The following OAS1 variants were observed in gnomAD, a reference collection of about 807,000 sequenced individuals.
The protein encoded by OAS1 is 2'-5'-oligoadenylate synthetase 1.
A neutral mutation model predicts 38.5 loss-of-function variants in OAS1; 24 were observed. That is an observed-to-expected ratio of 0.62 (90% CI 0.45 to 0.88). The LOEUF (loss-of-function observed/expected upper bound fraction) is 0.88. OAS1 is among the 40% of genes least tolerant of loss of function. The pLI, the probability that OAS1 is intolerant of heterozygous loss-of-function variation, is 0.00. For synonymous variants in OAS1, 169 were observed against 193.9 expected (o/e 0.87, Z 1.07); for missense variants, 482 against 493.9 (o/e 0.98, Z 0.23).
chr12:112,925,578 G>A (rs888608176), intron 6 of OAS1, among the ~76,000 whole-genome samples: 1 of 152,214 alleles, frequency 6.6e-6, no homozygotes, highest in African/African-American at 2.4e-5. Context: ...CTTGAGCCCA[G>A]GAGTTCAAGA....
intron 6 of OAS1, among the ~76,000 whole-genome samples, chr12:112,926,163 G>A (rs2043556739): frequency 6.6e-6 from 1 of 152,122 alleles, no homozygotes. Flanking sequence ...AGGAGCCTGT[G>A]GGGGGTAATG....
chr12:112,918,429 G>A, intron 5 of OAS1: 1 of 301,048 alleles, frequency 3.3e-6, no homozygotes. Flanking sequence ...CTTTGCTATT[G>A]TGAATCGTAC....
intron 3 of OAS1, among the ~76,000 whole-genome samples, chr12:112,914,941 C>A (rs1160778109): frequency 6.6e-6 from 1 of 151,024 alleles, no homozygotes; most frequent in East Asian, 1.9e-4. Context: ...TGAGAATTCT[C>A]TGTTCATGTC....
At chr12:112,926,614 G>A (rs2043559923) in intron 6 of OAS1, among the ~76,000 whole-genome samples, 1 of 152,110 alleles carries the variant, frequency 6.6e-6, no homozygotes, top group Admixed American at 6.5e-5. Flanking sequence ...TGATTCAAGG[G>A]CGACAAAAGA....
rs2136321545 is a variant in OAS1 at position 112,917,667 on chromosome 12, G to A, written c.1005G>A (p.Trp335Ter). 1 of 1,614,150 alleles carries A rather than the reference G, an allele frequency of 6.2e-7. No individual in the cohort carries two copies. Among genetic ancestry groups the A allele is most frequent in the East Asian group, 2.2e-5 (1 of 44,872 alleles). The change falls in exon 5 of 6, where the codon TGG (tryptophan) becomes TGA (stop). Residue 335 changes from tryptophan to a stop codon, truncating the protein, a stop_gained. Transcript: ENST00000202917. LOFTEE classifies it low-confidence loss of function (END_TRUNC). ...TGAATTACCCATGCTTTAAGAATTG[G>A]GATGGGTCCCCAGTGAGCTCCTGGA... ...AWLNYPCFKN[W>*]DGSPVSSWIL...
chr12:112,907,353 T>C, intron 1 of OAS1, 134 bp downstream of exon 1: 1 of 763,420 alleles, frequency 1.3e-6, no homozygotes, highest in Admixed American at 2.8e-5. Flanking sequence ...AGAGCTGAGA[T>C]CTTCTGGGAT....
chr12:112,914,132 T>C (rs1380070002), intron 3 of OAS1, among the ~76,000 whole-genome samples: 1 of 152,198 alleles, frequency 6.6e-6, no homozygotes, highest in East Asian at 1.9e-4. Flanking sequence ...GTATCATTCT[T>C]ATGCCTTTGC....
downstream of OAS1, among the ~76,000 whole-genome samples, chr12:112,921,570 A>G (rs1209808512): frequency 1.3e-5 from 2 of 152,208 alleles, no homozygotes; most frequent in East Asian, 1.9e-4. Flanking sequence ...GGCTTACTCC[A>G]GAGTCCTGGA....
At chr12:112,932,357 C>T (rs112568384), downstream of OAS1, 426 of 155,436 alleles carry the variant, frequency 2.7e-3, 2 homozygotes, top group African/African-American at 8.5e-3. Flanking sequence ...TTTGGGAGGC[C>T]GAGGCAGGCA....
intron 4 of OAS1, 40 bp from the exon 5 acceptor site, chr12:112,917,507 C>A: frequency 6.2e-7 from 1 of 1,612,118 alleles, no homozygotes; most frequent in Non-Finnish European, 8.5e-7. Context: ...AGACAGAGCC[C>A]CAGCTTCTCA....
chr12:112,919,510 C>T lies in OAS1; in HGVS notation c.1160C>T (p.Ser387Phe). Residue 387 changes from serine (S) to phenylalanine (F), a missense_variant, in exon 6 of 6, where the codon TCC (serine) becomes TTC (phenylalanine). Transcript: ENST00000202917. ...AGACCCAGCACACTCCAGGCAGCAT[C>T]CACCCCACAGGCAGAAGAGGACTGG... ...SHRPSTLQAA[S>F]TPQAEEDWTC... The T allele has an allele frequency of 6.2e-7, 1 of 1,614,224 alleles. No homozygotes were observed. Among genetic ancestry groups the T allele is most frequent in the Non-Finnish European group, 8.5e-7 (1 of 1,180,042 alleles).
chr12:112,913,715 T>G (rs2285934), intron 3 of OAS1, among the ~76,000 whole-genome samples: 96,012 of 151,980 alleles, frequency 0.63, 30,948 homozygotes, highest in East Asian at 0.78. Flanking sequence ...TTATGGCTTT[T>G]AATTCCCTGC....
At chr12:112,910,485 G>A (rs539497126) in intron 2 of OAS1, among the ~76,000 whole-genome samples, 26 of 152,282 alleles carry the variant, frequency 1.7e-4, no homozygotes, top group African/African-American at 2.4e-4. Flanking sequence ...AGACAGGGTC[G>A]TGAGGGAGGG....
Position 112,919,770 on chromosome 12 carries a change from A to G in OAS1, c.*217A>G. On this transcript the variant is annotated 3_prime_UTR_variant, in exon 6 of 6. Transcript: ENST00000202917. The stretch of plus-strand genomic sequence containing the variant: ...CTCACTTCATTCCACCTATTCTCTG[A>G]AAATATTCCCTGAGAGAGAACAGAG... 1.4e-6 allele frequency: 2 copies of G among 1,442,578 alleles called. No homozygotes were observed. The highest frequency in any genetic ancestry group is 1.5e-5 in the South Asian group (1 of 67,246). 89.4% of individuals were successfully genotyped at this position (1,442,578 alleles called of 1,614,324 possible). A position where few individuals can be genotyped will look rare whatever the true frequency, so the allele number is the denominator to read the frequency against.
intron 6 of OAS1, among the ~76,000 whole-genome samples, chr12:112,929,338 C>A (rs1334246438): frequency 6.6e-6 from 1 of 152,172 alleles, no homozygotes; most frequent in East Asian, 1.9e-4. Context: ...CCATCCATCT[C>A]CCAAAGGGAA....
chr12:112,910,141 G>A (rs1005886330), intron 2 of OAS1, among the ~76,000 whole-genome samples: 11 of 152,268 alleles, frequency 7.2e-5, no homozygotes, highest in African/African-American at 2.6e-4. Context: ...GCCAAAGTGG[G>A]GGGATCACTT....
chr12:112,925,333 G>A (rs972882988), intron 6 of OAS1, among the ~76,000 whole-genome samples: 9 of 151,834 alleles, frequency 5.9e-5, no homozygotes, highest in African/African-American at 1.7e-4. Flanking sequence ...CACCCCTCAC[G>A]CCTGTCTGTG....
At chr12:112,914,066 T>G (rs1045598211) in intron 3 of OAS1, among the ~76,000 whole-genome samples, 5 of 152,204 alleles carry the variant, frequency 3.3e-5, no homozygotes, top group Non-Finnish European at 5.9e-5. Context: ...ACCCAATGTG[T>G]AATCTTTTAA....
At chr12:112,911,263 G>GAGGGCCA in intron 3 of OAS1, 28 bp downstream of exon 3, 2 of 1,569,790 alleles carry the variant, frequency 1.3e-6, no homozygotes, top group Non-Finnish European at 1.7e-6. Context: ...GGCCTGGTGG[G>GAGGGCCA]TCCTGTCTCG....
Sources: allele counts gnomAD v4.1 joint callset (sites outside exome capture counted in the v4.1 genomes callset), GRCh38; gene constraint gnomAD v4.1.1; transcripts MANE v1.5; gene names NCBI Gene and HGNC (gene_info 2026-07-23, HGNC 2026-07-21).